Variants in ATIC observed in about 807,000 individuals in gnomAD.
ATIC encodes bifunctional purine biosynthesis protein ATIC.
In ATIC, 64 loss-of-function variants were observed where a neutral mutation model predicts 72.5. The observed-to-expected ratio is 0.88, with a 90% CI of 0.72 to 1.09. ATIC has a LOEUF of 1.09. Ranked by LOEUF, ATIC falls within the 50% of genes least tolerant of loss-of-function variation. The pLI is 0.00. For synonymous variants in ATIC, 281 were observed against 267.1 expected (o/e 1.05, Z -0.51); for missense variants, 787 against 732.4 (o/e 1.07, Z -0.86).
At position 215,336,064 on chromosome 2, in the gene ATIC, TGAA is replaced by T. The variant is rs2052950840; in HGVS notation, c.1046_1048del (p.Glu349del). 1 of 1,612,818 alleles carries T rather than the reference TGAA, an allele frequency of 6.2e-7. No individual in the cohort carries two copies. Among genetic ancestry groups the T allele is most frequent in the Non-Finnish European group, 8.5e-7 (1 of 1,179,260 alleles). On this transcript the variant is annotated inframe_deletion, in exon 11 of 16. Coordinates refer to ENST00000236959, the MANE Select transcript of ATIC (RefSeq NM_004044.7). ...CTGATGGTATAATTGCCCCAGGATATGAAGAAGAAGCCTTGACAATACTTTCCA... is the reference window on the plus strand; with the variant it reads ...CTGATGGTATAATTGCCCCAGGATATGAAGAAGCCTTGACAATACTTTCCA...
In ATIC at chr2:215,318,192, TGGG is replaced by T. The variant is rs1181586514; in HGVS notation, c.186_188del (p.Gly63del). On this transcript the variant is annotated inframe_deletion, in exon 3 of 16. Transcript: ENST00000236959. ...GAGTTGACGGGATTTCCTGAAATGTTGGGGGGACGTGTGAAAACTTTGCATCCT... is the reference window on the plus strand; with the variant it reads ...GAGTTGACGGGATTTCCTGAAATGTTGGGACGTGTGAAAACTTTGCATCCT... 6.2e-7 allele frequency: 1 copy of T among 1,614,142 alleles called. No individual in the cohort carries two copies. The highest frequency in any genetic ancestry group is 8.5e-7 in the Non-Finnish European group (1 of 1,180,006).
intron 11 of ATIC, 36 bp downstream of exon 11, chr2:215,336,160 C>T (rs376645698): frequency 6.1e-6 from 9 of 1,472,732 alleles, no homozygotes; most frequent in Non-Finnish European, 7.6e-6. Context: ...GTAATTTGCT[C>T]TTTTATTCTG....
chr2:215,319,712 C>G lies in ATIC; in HGVS notation c.271C>G (p.Leu91Val), dbSNP rs1371005955. 6.2e-7 allele frequency: 1 copy of G among 1,611,292 alleles called. No individual in the cohort carries two copies. The highest frequency in any genetic ancestry group is 8.5e-7 in the Non-Finnish European group (1 of 1,177,618). ...AGAAGATAATGCTGACATGGCCAGA[C>G]TTGATTTCAATCTTATAAGGTAAAA... The part of the protein sequence containing the change: ...IPEDNADMAR[L>V]DFNLIRVVAC... The change falls in exon 4 of 16, where the codon CTT (leucine) becomes GTT (valine). Residue 91 changes from leucine (L) to valine (V), a missense_variant. Transcript: ENST00000236959.
In ATIC at chr2:215,338,761, T is replaced by C. The variant is rs766152877; in HGVS notation, c.1099-18T>C. 6 of 1,611,948 alleles carry C rather than the reference T, an allele frequency of 3.7e-6. No individual in the cohort carries two copies. The African/African-American group carries it at 6.7e-5, about 18-fold the overall frequency. On this transcript the variant is annotated intron_variant, in intron 11 of 15. Coordinates refer to ENST00000236959, the MANE Select transcript of ATIC (RefSeq NM_004044.7). ...GAAGTGGAGAGATTAACTTTAACTT[T>C]TAAAATTTGTATTTTAGATGGACCA...
chr2:215,347,403 C>G (rs1340172466), intron 14 of ATIC, among the ~76,000 whole-genome samples: 1 of 152,122 alleles, frequency 6.6e-6, no homozygotes, highest in Non-Finnish European at 1.5e-5. Context: ...TAACTTGATA[C>G]ATTTTGTTAC....
the ATIC span, chr2:215,361,603 G>A: frequency 4.3e-6 from 7 of 1,611,256 alleles, no homozygotes; most frequent in South Asian, 2.2e-5. Flanking sequence ...AAGGCATGAA[G>A]CACTCAATTG....
At chr2:215,319,563 A>G in intron 3 of ATIC, 102 bp from the exon 4 acceptor site, 2 of 897,906 alleles carry the variant, frequency 2.2e-6, no homozygotes, top group Admixed American at 4.1e-5. Context: ...TTTTTTTTTA[A>G]TCAATGGGAT....
chr2:215,365,896 C>A, the ATIC span: 1 of 186,678 alleles, frequency 5.4e-6, no homozygotes, highest in East Asian at 1.4e-4. Context: ...ACCTCCATCT[C>A]CTGGGTTCAT....
At chr2:215,363,917 T>C in the ATIC span, among the ~76,000 whole-genome samples, 1 of 152,224 alleles carries the variant, frequency 6.6e-6, no homozygotes, top group African/African-American at 2.4e-5. Flanking sequence ...TTCCCATCTA[T>C]TTTCTTACCA....
intron 2 of ATIC, among the ~76,000 whole-genome samples, chr2:215,314,300 TTTC>T (rs1420159270): frequency 6.6e-6 from 1 of 152,222 alleles, no homozygotes; most frequent in Admixed American, 6.5e-5. Context: ...GCAATTGTTT[TTTC>T]TTCAACAAAG....
rs529312525 is a variant in ATIC at position 215,336,138 on chromosome 2, A to G, written c.1098+14A>G. ...TGTGTCCTTCAGGTGAGTGCAATTC[A>G]TGTTTGAAGCGGTAATTTGCTCTTT... On this transcript the variant is annotated intron_variant, in intron 11 of 15. Transcript: ENST00000236959. 3.8e-6 allele frequency: 6 copies of G among 1,581,870 alleles called. No individual in the cohort carries two copies. The South Asian group carries it at 5.5e-5, about 15-fold the overall frequency.
At chr2:215,346,632 C>CT (rs2053073173) in intron 13 of ATIC, 127 bp from the exon 14 acceptor site, 1 of 1,052,252 alleles carries the variant, frequency 9.5e-7, no homozygotes, top group East Asian at 2.4e-5. Flanking sequence ...TTATATTTCT[C>CT]TTATTTTGGC....
At chr2:215,326,221 GATTGC>G in intron 6 of ATIC, 83 bp downstream of exon 6, 1 of 1,524,596 alleles carries the variant, frequency 6.6e-7, no homozygotes. Context: ...GTTCTTGGTA[GATTGC>G]ATTACCTACC....
rs765259752 is a variant in ATIC, at chr2:215,349,542, G to A, written c.1666G>A (p.Val556Met). 1.2e-6 allele frequency: 2 copies of A among 1,614,018 alleles called. No homozygotes were observed. The highest frequency in any genetic ancestry group is 1.1e-5 in the South Asian group (1 of 91,068). Residue 556 changes from valine to methionine, a missense_variant, in exon 16 of 16, where the codon GTG becomes ATG. Val to Met is a conservative substitution (Grantham distance 21). Coordinates refer to ENST00000236959, the MANE Select transcript of ATIC (RefSeq NM_004044.7). Reference sequence around the variant, plus strand: ...ATCAATATACTTCCCCCAGAGTGGTGTGGCGTACATTGCGGCTCCCTCCGG... The same window carrying A: ...ATCAATATACTTCCCCCAGAGTGGTATGGCGTACATTGCGGCTCCCTCCGG... ...DNVDRAKRSG[V>M]AYIAAPSGSA...
Position 215,326,806 on chromosome 2 carries a change from C to G in ATIC, c.532-16C>G. 1 of 1,613,812 alleles carries G rather than the reference C, an allele frequency of 6.2e-7. No homozygotes were observed. The highest frequency in any genetic ancestry group is 8.5e-7 in the Non-Finnish European group (1 of 1,179,998). ...AAAGTGCTGCTCGTGTCTCACAAAA[C>G]TTACGCTTTTTGTAGGCATTCACTC... On this transcript the variant is annotated splice_polypyrimidine_tract_variant and intron_variant, in intron 6 of 15. Transcript: ENST00000236959.
chr2:215,331,655 C>T (rs990545320), intron 7 of ATIC, among the ~76,000 whole-genome samples: 1 of 152,060 alleles, frequency 6.6e-6, no homozygotes, highest in African/African-American at 2.4e-5. Context: ...GTGCTGGGGT[C>T]ATGGGGGTGA....
rs562226233 is a variant in ATIC, at chr2:215,330,027, G to A, written c.689-2355G>A. ...TCCACCCACCTTGGCCTCCCAAAGT[G>A]TTGGGGATTACAGGCATGAGCCACC... On this transcript the variant is annotated intron_variant, in intron 7 of 15. Transcript: ENST00000236959. 3.9e-5 allele frequency among the ~76,000 whole-genome samples: 6 copies of A among 152,336 alleles called. No individual in the cohort carries two copies. The East Asian group carries it at 1.2e-3, about 29-fold the overall frequency.
rs183507617 is a variant in ATIC at position 215,341,464 on chromosome 2, T to C, written c.1227+2557T>C. 2.0e-3 allele frequency among the ~76,000 whole-genome samples: 299 copies of C among 152,354 alleles called. 4 individuals are homozygous for C. The highest frequency in any genetic ancestry group is 6.9e-3 in the African/African-American group (287 of 41,582). On this transcript the variant is annotated intron_variant, in intron 12 of 15. Coordinates refer to ENST00000236959, the MANE Select transcript of ATIC (RefSeq NM_004044.7). ...TGGTAGGTATGATCTTAATCGTTTA[T>C]CTAAACTCTTTCCTTGCTTCATATG... is the stretch of plus-strand genomic sequence containing the variant.
intron 11 of ATIC, 128 bp downstream of exon 11, chr2:215,336,252 C>A: frequency 1.3e-6 from 1 of 755,298 alleles, no homozygotes; most frequent in East Asian, 2.6e-5. Flanking sequence ...TTTCCCCAAT[C>A]CTGCATTTAA....
Sources: gnomAD v4.1 joint callset for allele counts (sites outside exome capture counted in the v4.1 genomes callset) on GRCh38, gnomAD v4.1.1 for gene constraint, MANE v1.5 for transcripts, NCBI Gene and HGNC (gene_info 2026-07-23, HGNC 2026-07-21) for gene names.